The following USP16 variants were observed in gnomAD, a reference collection of about 807,000 sequenced individuals.
The protein encoded by USP16 is ubiquitin specific peptidase 16, also known as ubiquitin carboxyl-terminal hydrolase 16.
Under a neutral mutation model 95.9 loss-of-function variants are expected in USP16, and 77 were observed. That is an observed-to-expected ratio of 0.80 (90% CI 0.67 to 0.97). USP16 has a LOEUF of 0.97. Ranked by LOEUF, USP16 falls within the 50% of genes least tolerant of loss-of-function variation. The probability of loss-of-function intolerance (pLI) is 0.00; values close to 1 mark genes in which losing one functional copy is unlikely to be tolerated. For missense variants in USP16, 943 were observed against 959.9 expected (o/e 0.98, Z 0.23); for synonymous variants, 303 against 318.2 (o/e 0.95, Z 0.51).
chr21:29,024,977 C>G (rs2084963925), intron 1 of USP16, 200 bp downstream of exon 1: 3 of 476,798 alleles, frequency 6.3e-6, no homozygotes, highest in Non-Finnish European at 9.7e-6. Flanking sequence ...GATGCCGCTG[C>G]TGGCGGCCTT....
chr21:29,041,129 C>T (rs890116797), intron 10 of USP16, among the ~76,000 whole-genome samples: 7 of 152,052 alleles, frequency 4.6e-5, no homozygotes, highest in Non-Finnish European at 7.4e-5. Context: ...GCACGTGTGG[C>T]GCCTGAAATG....
At chr21:29,050,424 A>T (rs1177071658) in intron 16 of USP16, among the ~76,000 whole-genome samples, 1 of 152,182 alleles carries the variant, frequency 6.6e-6, no homozygotes, top group Non-Finnish European at 1.5e-5. Flanking sequence ...GAGGGCATAA[A>T]ACTAAAGGTG....
chr21:29,048,071 G>A (rs547434911), intron 14 of USP16, among the ~76,000 whole-genome samples: 5 of 148,840 alleles, frequency 3.4e-5, no homozygotes, highest in African/African-American at 1.3e-4. Context: ...GTGTGTGTGT[G>A]TGTGTGTGTG....
chr21:29,036,171 T>G, intron 4 of USP16, 100 bp from the exon 5 acceptor site: 4 of 937,986 alleles, frequency 4.3e-6, no homozygotes, highest in Non-Finnish European at 6.5e-6. Context: ...TTTAATAGAA[T>G]AAGTTGGCAG....
chr21:29,049,399 T>C (rs1466106167), intron 15 of USP16, among the ~76,000 whole-genome samples: 1 of 152,216 alleles, frequency 6.6e-6, no homozygotes, highest in African/African-American at 2.4e-5. Flanking sequence ...GGTGGGCCTT[T>C]ATTAACAATT....
intron 1 of USP16, chr21:29,025,677 T>C: frequency 1.1e-6 from 1 of 927,122 alleles, no homozygotes; most frequent in Non-Finnish European, 1.3e-6. Context: ...GACTTCTGAC[T>C]TCTCATTTTT....
chr21:29,042,380 C>T (rs1044592927), intron 11 of USP16, 92 bp from the exon 12 acceptor site: 1 of 1,254,476 alleles, frequency 8.0e-7, no homozygotes, highest in Non-Finnish European at 1.1e-6. Flanking sequence ...TAAAACCCAT[C>T]CCCTACTCCC....
chr21:29,034,797 G>C (rs544902079), intron 3 of USP16, 40 bp from the exon 4 acceptor site: 2 of 1,601,656 alleles, frequency 1.2e-6, no homozygotes, highest in South Asian at 1.1e-5. Context: ...CTCTTGCTGA[G>C]TTTTTATGGC....
Position 29,047,056 on chromosome 21 carries a change from T to C in USP16, c.1746T>C (p.Asn582=), listed in dbSNP as rs1262618220. ...ISNGFKNLNL[N]AALHPDEINI... ...ATGGTTTCAAAAACCTAAATTTGAA[T>C]GCTGCTCTTCATCCTGATGAAATAA... Residue 582 remains asparagine, a synonymous_variant, in exon 14 of 18, where the codon AAT becomes AAC. Transcript: ENST00000399976. The C allele has an allele frequency of 6.2e-7, 1 of 1,614,098 alleles. No homozygotes were observed. The highest frequency in any genetic ancestry group is 1.1e-5 in the South Asian group (1 of 91,086).
chr21:29,047,467 G>A (rs1437434414), intron 14 of USP16, 146 bp downstream of exon 14: 6 of 991,916 alleles, frequency 6.0e-6, no homozygotes, highest in African/African-American at 1.6e-5. Context: ...GGATGGAAAA[G>A]TAGGACTTTA....
At chr21:29,042,407 G>T in intron 11 of USP16, 65 bp from the exon 12 acceptor site, 1 of 1,501,098 alleles carries the variant, frequency 6.7e-7, no homozygotes, top group East Asian at 2.3e-5. Context: ...ACAGGGCAGG[G>T]AGGATCTTAC....
intron 6 of USP16, 70 bp downstream of exon 6, chr21:29,037,533 G>C: frequency 9.3e-7 from 1 of 1,073,808 alleles, no homozygotes; most frequent in Non-Finnish European, 1.2e-6. Context: ...TTACATTATT[G>C]AGTTTTTTCC....
Position 29,039,133 on chromosome 21 carries a change from A to T in USP16, c.840A>T (p.Glu280Asp). The T allele has an allele frequency of 6.3e-7, 1 of 1,577,522 alleles. No individual in the cohort carries two copies. The highest frequency in any genetic ancestry group is 8.6e-7 in the Non-Finnish European group (1 of 1,159,694). The stretch of plus-strand genomic sequence containing the variant: ...AAAAGGGGGTTGTGACACCGAAAGA[A>T]CTCTTTTCTCAGGTCTGTAAAAAGT... ...ETKKGVVTPK[E>D]LFSQVCKKAV... Residue 280 changes from glutamate to aspartate, a missense_variant, in exon 8 of 18, where the codon GAA becomes GAT. Glu to Asp is a conservative substitution (Grantham distance 45, BLOSUM62 2). Coordinates refer to ENST00000399976, the MANE Select transcript of USP16 (RefSeq NM_006447.3).
rs201922742 is a variant in USP16, at chr21:29,043,604, G to A, written c.1356+5G>A. ...CAAGCCAAAAAGCAAGCCAAGGTGG[G>A]TAATTAGGAGGAAAATCATATGCTT... On this transcript the variant is annotated splice_donor_5th_base_variant and intron_variant, in intron 13 of 17. Transcript: ENST00000399976. The A allele has an allele frequency of 2.6e-6, 4 of 1,526,152 alleles. No homozygotes were observed. The highest frequency in any genetic ancestry group is 1.4e-5 in the African/African-American group (1 of 70,452). The allele number at this position is 1,526,152 out of a possible 1,614,324, so 94.5% of individuals were successfully genotyped here.
intron 9 of USP16, 30 bp from the exon 10 acceptor site, chr21:29,040,579 G>T: frequency 9.7e-7 from 1 of 1,029,354 alleles, no homozygotes; most frequent in Non-Finnish European, 1.4e-6. Context: ...AAATTTAATA[G>T]TATATATATA....
At chr21:29,041,631 A>C (rs1355677889) in intron 10 of USP16, among the ~76,000 whole-genome samples, 2 of 152,112 alleles carry the variant, frequency 1.3e-5, no homozygotes, top group Non-Finnish European at 2.9e-5. Flanking sequence ...GAATGTTAGA[A>C]TGTTAGAGCT....
At chr21:29,049,122 A>G (rs1332913906) in intron 15 of USP16, among the ~76,000 whole-genome samples, 1 of 152,204 alleles carries the variant, frequency 6.6e-6, no homozygotes, top group East Asian at 1.9e-4. Context: ...TTCAGGTTAA[A>G]AAAAGAAAAA....
chr21:29,030,469 G>A, intron 2 of USP16, 126 bp from the exon 3 acceptor site: 1 of 792,968 alleles, frequency 1.3e-6, no homozygotes, highest in East Asian at 3.2e-5. Context: ...TTTAAGTTCA[G>A]AATATCTTAA....
chr21:29,027,820 A>C lies in USP16; in HGVS notation c.-41-53A>C, dbSNP rs547781278. 1.9e-4 allele frequency: 242 copies of C among 1,284,766 alleles called. No homozygotes were observed. The African/African-American group carries it at 3.4e-3, about 18-fold the overall frequency. The allele number at this position is 1,284,766 out of a possible 1,614,324, so 79.6% of individuals were successfully genotyped here. On this transcript the variant is annotated intron_variant, in intron 1 of 17. Coordinates refer to ENST00000399976, the MANE Select transcript of USP16 (RefSeq NM_006447.3). The stretch of plus-strand genomic sequence containing the variant: ...TAGTTATATTACTGTCTCCTAGAGA[A>C]ATATAAGACATACTTTTTTTTTTGG...
Sources: allele counts gnomAD v4.1 joint callset (sites outside exome capture counted in the v4.1 genomes callset), GRCh38; gene constraint gnomAD v4.1.1; transcripts MANE v1.5; gene names NCBI Gene and HGNC (gene_info 2026-07-23, HGNC 2026-07-21).